The following TAPT1 variants were observed in gnomAD, a reference collection of about 807,000 sequenced individuals.
TAPT1 encodes the protein transmembrane anterior posterior transformation protein 1 homolog.
Under a neutral mutation model 65.6 loss-of-function variants are expected in TAPT1, and 28 were observed. The observed-to-expected ratio is 0.43, with a 90% CI of 0.32 to 0.59. The LOEUF is 0.59. Ranked by LOEUF, TAPT1 falls within the 20% of genes least tolerant of loss-of-function variation. The pLI, the probability that TAPT1 is intolerant of heterozygous loss-of-function variation, is 0.09. For synonymous variants in TAPT1, 278 were observed against 245.2 expected (o/e 1.13, Z -1.25); for missense variants, 563 against 679.9 (o/e 0.83, Z 1.91).
rs1747207245 is a variant in TAPT1, at chr4:16,160,711, T to TA, written c.*2596dup. 1.3e-5 allele frequency: 2 copies of TA among 152,322 alleles called. No homozygotes were observed. Among genetic ancestry groups the TA allele is most frequent in the South Asian group, 2.1e-4 (1 of 4,832 alleles). The allele number at this position is 152,322 out of a possible 1,614,324, so 9.4% of individuals were successfully genotyped here. On this transcript the variant is annotated 3_prime_UTR_variant, in exon 14 of 14. Coordinates refer to ENST00000405303, the MANE Select transcript of TAPT1 (RefSeq NM_153365.3). ...GAAGTGATTAACAAATCTTTGTTGA[T>TA]AAAAAATAGTTGAAAACATGTAACA... is the stretch of plus-strand genomic sequence containing the variant.
chr4:16,183,093 G>A (rs1748807472), intron 7 of TAPT1: 1 of 152,154 alleles, frequency 6.6e-6, no homozygotes, highest in African/African-American at 2.4e-5. Context: ...ATATGAAGAA[G>A]GCAACATATT....
At chr4:16,198,759 G>C (rs774010421) in intron 3 of TAPT1, among the ~76,000 whole-genome samples, 6 of 152,156 alleles carry the variant, frequency 3.9e-5, no homozygotes, top group Non-Finnish European at 7.4e-5. Context: ...AGGAATAAAA[G>C]CTATCAGAAG....
At chr4:16,179,775 T>C in intron 7 of TAPT1, 118 bp from the exon 8 acceptor site, 1 of 500,876 alleles carries the variant, frequency 2.0e-6, no homozygotes. Context: ...TAAATGTCTA[T>C]AAATATACAA....
rs1429613995 is a variant in TAPT1 at position 16,176,259 on chromosome 4, T to C, written c.998-31A>G. ...AATAGAAAAAAGAAAAACAACGAAA[T>C]ATCTTAATATGAACAGAATCCATAT... On this transcript the variant is annotated intron_variant, in intron 8 of 13. Transcript: ENST00000405303. 7 of 1,135,758 alleles carry C rather than the reference T, an allele frequency of 6.2e-6. No individual in the cohort carries two copies. In the South Asian group the frequency reaches 8.7e-5, roughly 14 times the overall value. 70.4% of individuals were successfully genotyped at this position (1,135,758 alleles called of 1,614,324 possible).
At chr4:16,191,875 C>T (rs993373275) in intron 3 of TAPT1, among the ~76,000 whole-genome samples, 17 of 152,218 alleles carry the variant, frequency 1.1e-4, no homozygotes, top group African/African-American at 3.9e-4. Context: ...ACATAGCCTG[C>T]TGGATCAGCC....
At position 16,162,246 on chromosome 4, in the gene TAPT1, C is replaced by T. The variant is rs1237912373; in HGVS notation, c.*1062G>A. 1.3e-5 allele frequency: 2 copies of T among 153,102 alleles called. No individual in the cohort carries two copies. Among genetic ancestry groups the T allele is most frequent in the Non-Finnish European group, 2.9e-5 (2 of 68,152 alleles). 9.5% of individuals were successfully genotyped at this position (153,102 alleles called of 1,614,324 possible). ...CAGCACAGGCCCACCCTGATAGTCA[C>T]ATCCCCACAGACACCCTCCCACAGA... is the stretch of plus-strand genomic sequence containing the variant. On this transcript the variant is annotated 3_prime_UTR_variant, in exon 14 of 14. Coordinates refer to ENST00000405303, the MANE Select transcript of TAPT1 (RefSeq NM_153365.3).
At chr4:16,173,557 A>T (rs1748140039) in intron 11 of TAPT1, among the ~76,000 whole-genome samples, 2 of 152,166 alleles carry the variant, frequency 1.3e-5, no homozygotes, top group Non-Finnish European at 2.9e-5. Flanking sequence ...TAAAAAAAAA[A>T]TACATACTTC....
intron 7 of TAPT1, among the ~76,000 whole-genome samples, chr4:16,182,337 T>C (rs1748757341): frequency 1.3e-5 from 2 of 152,240 alleles, no homozygotes; most frequent in South Asian, 2.1e-4. Context: ...ATCTTCAGAA[T>C]AGTCAGGGTT....
intron 7 of TAPT1, 88 bp from the exon 8 acceptor site, chr4:16,179,745 T>G (rs1748591167): frequency 1.1e-5 from 7 of 617,296 alleles, no homozygotes; most frequent in Middle Eastern, 4.6e-4. Flanking sequence ...CAGAACATGA[T>G]GAAATTATTA....
intron 3 of TAPT1, 68 bp downstream of exon 3, chr4:16,202,394 C>T (rs1475855550): frequency 2.0e-6 from 2 of 998,910 alleles, no homozygotes; most frequent in Non-Finnish European, 3.0e-6. Flanking sequence ...CCTTACTCTG[C>T]AACCACTACA....
intron 2 of TAPT1, among the ~76,000 whole-genome samples, chr4:16,206,868 C>CT (rs1750376841): frequency 1.3e-5 from 2 of 152,182 alleles, no homozygotes; most frequent in Admixed American, 1.3e-4. Flanking sequence ...GGCCTAAAGG[C>CT]TTTGCTGGCT....
rs936649831 is a variant in TAPT1, at chr4:16,174,524, T to G, written c.1167+146A>C. The G allele has an allele frequency of 2.6e-5, 19 of 729,732 alleles. 1 individual carries two copies. The Admixed American group carries it at 2.6e-4, about 10-fold the overall frequency. The allele number at this position is 729,732 out of a possible 1,614,324, so 45.2% of individuals were successfully genotyped here. A position where few individuals can be genotyped will look rare whatever the true frequency, so the allele number is the denominator to read the frequency against. On this transcript the variant is annotated intron_variant, in intron 10 of 13. Transcript: ENST00000405303. ...ATTACTATTATTCTTAATTTGTAAA[T>G]GTTTATTTAGTGTTGAGAATAGAGA...
chr4:16,189,497 G>C (rs975621705), intron 4 of TAPT1, among the ~76,000 whole-genome samples: 1 of 151,510 alleles, frequency 6.6e-6, no homozygotes, highest in Non-Finnish European at 1.5e-5. Flanking sequence ...CCATGGGCCT[G>C]ATATTGTGCT....
intron 8 of TAPT1, 95 bp downstream of exon 8, chr4:16,179,482 G>A: frequency 1.4e-6 from 1 of 715,338 alleles, no homozygotes; most frequent in Non-Finnish European, 2.2e-6. Context: ...AAAGTCTTTT[G>A]GAGTTTTCTG....
Position 16,162,951 on chromosome 4 carries a change from T to A in TAPT1, c.*357A>T, listed in dbSNP as rs1354525842. 1 of 464,114 alleles carries A rather than the reference T, an allele frequency of 2.2e-6. No individual in the cohort carries two copies. Among genetic ancestry groups the A allele is most frequent in the Admixed American group, 2.3e-5 (1 of 42,784 alleles). 28.7% of individuals were successfully genotyped at this position (464,114 alleles called of 1,614,324 possible). ...TCACAGTTTTCCAGGTATTTCCTTA[T>A]ACTGAAGAGGCCTTGAGGCAAATTC... On this transcript the variant is annotated 3_prime_UTR_variant, in exon 14 of 14. Coordinates refer to ENST00000405303, the MANE Select transcript of TAPT1 (RefSeq NM_153365.3).
upstream of TAPT1, chr4:16,226,601 CCATTGGCGT>C (rs2108908744): frequency 8.7e-6 from 4 of 462,270 alleles, no homozygotes; most frequent in Non-Finnish European, 1.1e-5. Context: ...CCGGCGCGAG[CCATTGGCGT>C]CAGCGACGCG....
chr4:16,225,981 C>G (rs1255062346), intron 1 of TAPT1: 13 of 996,006 alleles, frequency 1.3e-5, no homozygotes, highest in African/African-American at 1.7e-5. Context: ...ATGCAAGGAC[C>G]CGGACAGAAC....
chr4:16,168,577 C>T (rs977255248), intron 12 of TAPT1, among the ~76,000 whole-genome samples: 1 of 152,222 alleles, frequency 6.6e-6, no homozygotes, highest in African/African-American at 2.4e-5. Context: ...CCCTTCCTTA[C>T]TGAAACACCA....
chr4:16,225,254 T>C (rs1751480582), intron 1 of TAPT1, among the ~76,000 whole-genome samples: 1 of 152,250 alleles, frequency 6.6e-6, no homozygotes, highest in African/African-American at 2.4e-5. Context: ...TGATCAACTT[T>C]ATGCCCCTTA....
Sources: allele counts gnomAD v4.1 joint callset (sites outside exome capture counted in the v4.1 genomes callset), GRCh38; gene constraint gnomAD v4.1.1; transcripts MANE v1.5; gene names NCBI Gene and HGNC (gene_info 2026-07-23, HGNC 2026-07-21).